The following ITCH variants were observed in gnomAD, a reference collection of about 807,000 sequenced individuals.
ITCH encodes itchy E3 ubiquitin protein ligase.
Under a neutral mutation model 126.8 loss-of-function variants are expected in ITCH, and 28 were observed. That is an observed-to-expected ratio of 0.22 (90% CI 0.16 to 0.30). The LOEUF (loss-of-function observed/expected upper bound fraction) is 0.30, where lower values mean the gene tolerates loss of function less well. ITCH is among the 10% of genes least tolerant of loss of function. ITCH has a pLI of 1.00. For synonymous variants in ITCH, 342 were observed against 340.0 expected (o/e 1.01, Z -0.06); for missense variants, 631 against 1,032.4 (o/e 0.61, Z 5.33).
At chr20:34,408,025 A>G (rs1174236530) in intron 3 of ITCH, among the ~76,000 whole-genome samples, 1 of 152,214 alleles carries the variant, frequency 6.6e-6, no homozygotes, top group Non-Finnish European at 1.5e-5. Flanking sequence ...ACCTAGGCTC[A>G]AGCAGTCCTC....
At chr20:34,491,084 A>G (rs1001542142) in intron 22 of ITCH, among the ~76,000 whole-genome samples, 1 of 152,226 alleles carries the variant, frequency 6.6e-6, no homozygotes, top group Non-Finnish European at 1.5e-5. Flanking sequence ...TTGAAAAATC[A>G]TAAATCGAAC....
chr20:34,396,605 C>T lies in ITCH; in HGVS notation c.70+2724C>T, dbSNP rs532160494. On this transcript the variant is annotated intron_variant, in intron 3 of 24. Transcript: ENST00000374864. ...CTGACTGCAATCTCTAACTTCTAGG[C>T]TGAAGTGATCGTGCCACCTCAGCCT... Among the ~76,000 whole-genome samples, 3 of 150,924 alleles carry T rather than the reference C, an allele frequency of 2.0e-5. 1 individual carries two copies. Among genetic ancestry groups the T allele is most frequent in the Admixed American group, 2.0e-4 (3 of 15,152 alleles).
At chr20:34,493,871 A>G (rs995099510) in intron 23 of ITCH, among the ~76,000 whole-genome samples, 1 of 152,248 alleles carries the variant, frequency 6.6e-6, no homozygotes, top group African/African-American at 2.4e-5. Flanking sequence ...CTTAGGCAGA[A>G]ATAGAATACA....
chr20:34,369,072 G>A (rs1348061998), intron 1 of ITCH, among the ~76,000 whole-genome samples: 2 of 152,206 alleles, frequency 1.3e-5, no homozygotes, highest in South Asian at 4.1e-4. Flanking sequence ...GCTCACGCCT[G>A]TAATCCCAGC....
chr20:34,433,141 T>A (rs1339164484), intron 7 of ITCH, among the ~76,000 whole-genome samples: 1 of 151,872 alleles, frequency 6.6e-6, no homozygotes, highest in Non-Finnish European at 1.5e-5. Flanking sequence ...AATACAAAAA[T>A]TGGCCGGGCA....
intron 23 of ITCH, among the ~76,000 whole-genome samples, chr20:34,502,666 C>G (rs1990336058): frequency 1.3e-5 from 2 of 150,754 alleles, no homozygotes; most frequent in East Asian, 2.0e-4. Context: ...GCCAAGATTG[C>G]TCCACTGCAC....
chr20:34,456,182 GTGTATATATATA>G (rs1209139773), intron 12 of ITCH, among the ~76,000 whole-genome samples: 70 of 37,174 alleles, frequency 1.9e-3, no homozygotes, highest in African/African-American at 0.01. Context: ...GTGTGTGTGT[GTGTATATATATA>G]TATATATATA....
intron 3 of ITCH, chr20:34,401,743 C>A: frequency 1.8e-6 from 1 of 562,196 alleles, no homozygotes; most frequent in Non-Finnish European, 2.3e-6. Context: ...AAAAACAAAC[C>A]TCCCCCCTAA....
intron 3 of ITCH, among the ~76,000 whole-genome samples, chr20:34,400,684 C>T (rs888257857): frequency 2.7e-5 from 3 of 112,534 alleles, no homozygotes; most frequent in Non-Finnish European, 5.1e-5. Context: ...TTCGTTCTGT[C>T]GCCCAGGCTG....
chr20:34,373,620 T>C (rs768316418), intron 2 of ITCH, among the ~76,000 whole-genome samples: 5 of 152,164 alleles, frequency 3.3e-5, no homozygotes, highest in African/African-American at 4.8e-5. Flanking sequence ...CAGGGACTTA[T>C]GGTGAAAAAG....
intron 6 of ITCH, chr20:34,417,222 G>T (rs530510456): frequency 1.5e-6 from 1 of 651,390 alleles, no homozygotes; most frequent in Non-Finnish European, 2.8e-6. Flanking sequence ...TCAGCCTCCC[G>T]AGTAGCTGGG....
intron 7 of ITCH, among the ~76,000 whole-genome samples, chr20:34,432,456 T>C (rs1270206033): frequency 2.6e-5 from 4 of 152,182 alleles, no homozygotes; most frequent in African/African-American, 9.7e-5. Context: ...AAAAAACATA[T>C]ATATAGTTCA....
intron 16 of ITCH, among the ~76,000 whole-genome samples, chr20:34,475,087 C>T (rs1988048319): frequency 6.6e-6 from 1 of 151,664 alleles, no homozygotes; most frequent in Middle Eastern, 3.4e-3. Flanking sequence ...TCCTCACTTC[C>T]TAGATGTGAT....
chr20:34,364,890 C>CAAAAA (rs1234445956), intron 1 of ITCH, among the ~76,000 whole-genome samples: 3 of 42,488 alleles, frequency 7.1e-5, no homozygotes, highest in African/African-American at 2.7e-4. Flanking sequence ...GACTCCGCCT[C>CAAAAA]AAAAAAAAAA....
Position 34,384,732 on chromosome 20 carries a change from C to T in ITCH, c.-21-9059C>T, listed in dbSNP as rs1009212644. ...CTGGAGTGCAGTGGCATGTCCTCAG[C>T]TCACTGCAAGCTCTGCCTCCCGGGT... is the stretch of plus-strand genomic sequence containing the variant. On this transcript the variant is annotated intron_variant, in intron 2 of 24. Coordinates refer to ENST00000374864, the MANE Select transcript of ITCH (RefSeq NM_031483.7). Among the ~76,000 whole-genome samples, 4 of 145,874 alleles carry T rather than the reference C, an allele frequency of 2.7e-5. No individual in the cohort carries two copies. In the Admixed American group the frequency reaches 2.8e-4, roughly 10 times the overall value.
intron 20 of ITCH, among the ~76,000 whole-genome samples, chr20:34,481,512 AG>A (rs1167956336): frequency 6.6e-6 from 1 of 152,208 alleles, no homozygotes; most frequent in Non-Finnish European, 1.5e-5. Context: ...GAATATTGTA[AG>A]GTGTATTAAT....
Position 34,480,732 on chromosome 20 carries a change from A to G in ITCH, c.1952A>G (p.Lys651Arg). Residue 651 changes from lysine to arginine, a missense_variant and splice_region_variant, in exon 19 of 25, where the codon AAG becomes AGG. Physicochemically the swap from Lys to Arg is conservative, Grantham distance 26. Around this residue, in one of 4 missense-constraint regions of ITCH, gnomAD observed 390 missense variants for 731.6 expected, o/e 0.53. Coordinates refer to ENST00000374864, the MANE Select transcript of ITCH (RefSeq NM_031483.7). ...TTTTACAATTCTCTCATCTGGGTTA[A>G]GTAAGTTTCTTTTTCCATGTAATTT... The part of the protein sequence containing the change: ...PEFYNSLIWV[K>R]ENNIEECDLE... The G allele has an allele frequency of 6.3e-7, 1 of 1,598,832 alleles. No individual in the cohort carries two copies. The highest frequency in any genetic ancestry group is 8.6e-7 in the Non-Finnish European group (1 of 1,167,794).
intron 12 of ITCH, among the ~76,000 whole-genome samples, chr20:34,452,667 T>C (rs1445019382): frequency 1.3e-5 from 2 of 152,070 alleles, no homozygotes; most frequent in Non-Finnish European, 2.9e-5. Context: ...ATAGGCTCAG[T>C]GAATAATTGG....
intron 1 of ITCH, among the ~76,000 whole-genome samples, chr20:34,368,809 A>G (rs1018381913): frequency 2.6e-5 from 4 of 152,160 alleles, no homozygotes; most frequent in South Asian, 2.1e-4. Context: ...TGCAGGGACT[A>G]TCATTATGGT....
Sources: gnomAD v4.1 joint callset for allele counts (sites outside exome capture counted in the v4.1 genomes callset) on GRCh38, gnomAD v4.1.1 for gene constraint, gnomAD v4.1.1 regional missense constraint, MANE v1.5 for transcripts, NCBI Gene and HGNC (gene_info 2026-07-23, HGNC 2026-07-21) for gene names.